The following ZNF608 variants were observed in gnomAD, a reference collection of about 807,000 sequenced individuals.
ZNF608 encodes zinc finger protein 608.
In ZNF608, 12 loss-of-function variants were observed where a neutral mutation model predicts 109.0. The observed-to-expected ratio is 0.11, with a 90% CI of 0.07 to 0.18. ZNF608 has a LOEUF of 0.18. ZNF608 is among the 10% of genes least tolerant of loss of function. The pLI is 1.00. For synonymous variants in ZNF608, 732 were observed against 717.4 expected, an observed-to-expected ratio of 1.02 and a Z score of -0.33; for missense variants, 1,707 against 1,879.3, an observed-to-expected ratio of 0.91 and a Z score of 1.70.
intron 3 of ZNF608, among the ~76,000 whole-genome samples, chr5:124,686,283 G>A (rs1377948105): frequency 6.6e-6 from 1 of 152,104 alleles, no homozygotes; most frequent in Non-Finnish European, 1.5e-5. Context: ...AATGCCCTTC[G>A]GTCACCCTAT....
At chr5:124,645,847 G>A (rs922287708) in intron 5 of ZNF608, among the ~76,000 whole-genome samples, 3 of 151,946 alleles carry the variant, frequency 2.0e-5, no homozygotes, top group African/African-American at 7.3e-5. Flanking sequence ...TGAAATCTAG[G>A]CATCTCTGAC....
At chr5:124,739,497 A>G (rs939940258) in intron 2 of ZNF608, among the ~76,000 whole-genome samples, 2 of 152,282 alleles carry the variant, frequency 1.3e-5, no homozygotes, top group Admixed American at 1.3e-4. Context: ...CAGGGGGAAA[A>G]TTGACAGAAT....
chr5:124,686,997 T>C (rs1399508093), intron 3 of ZNF608, among the ~76,000 whole-genome samples: 1 of 152,226 alleles, frequency 6.6e-6, no homozygotes, highest in Non-Finnish European at 1.5e-5. Flanking sequence ...GAATATCAAA[T>C]TTTAAAAACA....
intron 2 of ZNF608, among the ~76,000 whole-genome samples, chr5:124,719,707 G>A (rs1238024255): frequency 6.6e-6 from 1 of 152,178 alleles, no homozygotes; most frequent in Non-Finnish European, 1.5e-5. Flanking sequence ...TCAAAGATTT[G>A]TGGGGCCTCA....
In ZNF608 at chr5:124,648,313, C is replaced by G; in HGVS notation, c.2071G>C (p.Gly691Arg). 1 of 1,614,152 alleles carries G rather than the reference C, an allele frequency of 6.2e-7. No homozygotes were observed. The highest frequency in any genetic ancestry group is 8.5e-7 in the Non-Finnish European group (1 of 1,180,020). The change falls in exon 5 of 10, where the codon GGC (glycine) becomes CGC (arginine). Residue 691 changes from glycine to arginine, a missense_variant. By Grantham distance (125) the Gly-to-Arg change is moderately radical. Transcript: ENST00000513986. ...AALDSCSAAD[G>R]SLAAEMPKLE... ...TTAGGCATCTCAGCAGCCAAACTGC[C>G]GTCTGCTGCCGAGCAACTGTCTAAC...
chr5:124,667,072 TTAATA>T (rs1751509846), intron 3 of ZNF608, among the ~76,000 whole-genome samples: 1 of 152,182 alleles, frequency 6.6e-6, no homozygotes, highest in Admixed American at 6.5e-5. Flanking sequence ...TTTCATCTAC[TTAATA>T]TAAATTAGCA....
At chr5:124,702,450 T>C (rs1335101850) in intron 2 of ZNF608, among the ~76,000 whole-genome samples, 1 of 53,856 alleles carries the variant, frequency 1.9e-5, no homozygotes, top group Middle Eastern at 7.9e-3. Flanking sequence ...AGTTATCTTT[T>C]GTAGCCACTT....
intron 3 of ZNF608, among the ~76,000 whole-genome samples, chr5:124,667,628 T>C (rs1423270552): frequency 6.6e-6 from 1 of 151,770 alleles, no homozygotes; most frequent in African/African-American, 2.4e-5. Context: ...ATTATAACAC[T>C]GGGAATTGCC....
chr5:124,683,196 T>G (rs1015050351), intron 3 of ZNF608, among the ~76,000 whole-genome samples: 1 of 152,194 alleles, frequency 6.6e-6, no homozygotes, highest in Non-Finnish European at 1.5e-5. Flanking sequence ...TCATCTCCAC[T>G]GGATGGGGTC....
chr5:124,685,413 C>G (rs1752367778), intron 3 of ZNF608, among the ~76,000 whole-genome samples: 1 of 152,198 alleles, frequency 6.6e-6, no homozygotes, highest in Non-Finnish European at 1.5e-5. Context: ...CAAAATTAGG[C>G]TCCCTGACAA....
chr5:124,677,476 C>A (rs758919231), intron 3 of ZNF608, among the ~76,000 whole-genome samples: 1 of 152,150 alleles, frequency 6.6e-6, no homozygotes, highest in African/African-American at 2.4e-5. Context: ...CAGCAACATT[C>A]GCGTACAAGG....
chr5:124,664,520 C>T (rs1751397586), intron 3 of ZNF608, among the ~76,000 whole-genome samples: 2 of 151,838 alleles, frequency 1.3e-5, no homozygotes, highest in South Asian at 2.1e-4. Flanking sequence ...CTTTGCTATG[C>T]TATGTGTAGG....
intron 3 of ZNF608, among the ~76,000 whole-genome samples, chr5:124,674,701 C>A (rs184061041): frequency 6.6e-6 from 1 of 152,272 alleles, no homozygotes; most frequent in East Asian, 1.9e-4. Flanking sequence ...GCCTCAAACT[C>A]CTAGGCTCAA....
chr5:124,644,802 CTG>C, intron 5 of ZNF608, 141 bp from the exon 6 acceptor site: 2 of 745,768 alleles, frequency 2.7e-6, no homozygotes, highest in South Asian at 4.2e-5. Context: ...GTGCTAGACA[CTG>C]TGCTAATTGC....
chr5:124,673,290 A>G (rs1470130880), intron 3 of ZNF608, among the ~76,000 whole-genome samples: 1 of 152,212 alleles, frequency 6.6e-6, no homozygotes, highest in Non-Finnish European at 1.5e-5. Flanking sequence ...AAATGATTAG[A>G]AACACCAGAC....
chr5:124,660,443 G>A (rs1022341705), intron 3 of ZNF608, among the ~76,000 whole-genome samples: 1 of 152,228 alleles, frequency 6.6e-6, no homozygotes, highest in Non-Finnish European at 1.5e-5. Context: ...CATTCTGGTA[G>A]AGAAGCCACA....
intron 3 of ZNF608, among the ~76,000 whole-genome samples, chr5:124,693,674 G>A (rs1385305213): frequency 1.3e-5 from 2 of 152,098 alleles, no homozygotes; most frequent in African/African-American, 4.8e-5. Context: ...CTCAACAGCA[G>A]CTTATTTTTC....
intron 2 of ZNF608, among the ~76,000 whole-genome samples, chr5:124,723,731 G>A (rs1754028559): frequency 1.3e-5 from 2 of 152,100 alleles, no homozygotes; most frequent in Non-Finnish European, 2.9e-5. Flanking sequence ...ATATTTGCAC[G>A]GAGTAGGGGG....
intron 3 of ZNF608, among the ~76,000 whole-genome samples, chr5:124,676,280 T>A (rs970571087): frequency 7.0e-6 from 1 of 143,420 alleles, no homozygotes; most frequent in Admixed American, 6.9e-5. Flanking sequence ...GAGAGGTGAA[T>A]GCAGCATATG....
Sources: gnomAD v4.1 joint callset for allele counts (sites outside exome capture counted in the v4.1 genomes callset) on GRCh38, gnomAD v4.1.1 for gene constraint, MANE v1.5 for transcripts, NCBI Gene and HGNC (gene_info 2026-07-23, HGNC 2026-07-21) for gene names.